DOC2B: variants seen among roughly 807,000 people sequenced by gnomAD.
DOC2B encodes double C2 domain beta.
Under a neutral mutation model 28.9 loss-of-function variants are expected in DOC2B, and 21 were observed. The observed-to-expected ratio is 0.73, with a 90% CI of 0.52 to 1.05. DOC2B has a LOEUF of 1.05. Among genes scored for constraint, DOC2B ranks in the 50% least tolerant of loss-of-function variants. The pLI, the probability that DOC2B is intolerant of heterozygous loss-of-function variation, is 0.00. For synonymous variants in DOC2B, 194 were observed against 178.1 expected (o/e 1.09, Z -0.71); for missense variants, 384 against 421.1 (o/e 0.91, Z 0.77).
intron 6 of DOC2B, among the ~76,000 whole-genome samples, chr17:153,440 C>T (rs891757141): frequency 2.6e-5 from 4 of 152,234 alleles, no homozygotes; most frequent in African/African-American, 7.2e-5. Context: ...CAGTGGCTCA[C>T]GCCTGTAATC....
At chr17:155,403 C>T (rs1342744861) in intron 6 of DOC2B, among the ~76,000 whole-genome samples, 3 of 152,166 alleles carry the variant, frequency 2.0e-5, no homozygotes, top group African/African-American at 7.2e-5. Context: ...GTCCCTGAGG[C>T]CTTAGTCACC....
At chr17:178,640 T>C (rs1253310692) in intron 1 of DOC2B, among the ~76,000 whole-genome samples, 1 of 152,238 alleles carries the variant, frequency 6.6e-6, no homozygotes, top group African/African-American at 2.4e-5. Flanking sequence ...CTTCGAGATC[T>C]GCTGGGAACA....
intron 2 of DOC2B, 21 bp from the exon 3 acceptor site, chr17:164,225 G>A (rs767324803): frequency 3.7e-5 from 56 of 1,522,704 alleles, no homozygotes; most frequent in Non-Finnish European, 4.5e-5. Context: ...AAGAGCAAAC[G>A]GTGTGAACTG....
chr17:158,833 T>C lies in DOC2B; in HGVS notation c.766-2456A>G, dbSNP rs529404409. Among the ~76,000 whole-genome samples, 15 of 151,902 alleles carry C rather than the reference T, an allele frequency of 9.9e-5. No homozygotes were observed. The East Asian group carries it at 1.8e-3, about 18-fold the overall frequency. On this transcript the variant is annotated intron_variant, in intron 5 of 8. Coordinates refer to ENST00000613549, the MANE Select transcript of DOC2B (RefSeq NM_003585.5). The stretch of plus-strand genomic sequence containing the variant: ...GCCAAGGCGGGCAGATCACCTGAGG[T>C]CAGCAGCTCAGGACCAGCCTGGCCA...
intron 5 of DOC2B, among the ~76,000 whole-genome samples, chr17:156,997 C>A (rs777150861): frequency 7.9e-5 from 12 of 152,246 alleles, no homozygotes; most frequent in Non-Finnish European, 1.5e-4. Flanking sequence ...TGGAACGCAG[C>A]CTTGCCAGCT....
At chr17:160,060 C>T (rs1464484138) in intron 5 of DOC2B, among the ~76,000 whole-genome samples, 1 of 150,608 alleles carries the variant, frequency 6.6e-6, no homozygotes, top group Non-Finnish European at 1.5e-5. Flanking sequence ...TCTCGGCTCA[C>T]TGCAACCTCC....
chr17:173,018 C>T (rs780282209), intron 1 of DOC2B, among the ~76,000 whole-genome samples: 9 of 152,160 alleles, frequency 5.9e-5, no homozygotes, highest in South Asian at 2.1e-4. Flanking sequence ...GCGGAGGAGA[C>T]GAGGCTTTGA....
chr17:177,013 A>G (rs2040377321), intron 1 of DOC2B, among the ~76,000 whole-genome samples: 1 of 148,790 alleles, frequency 6.7e-6, no homozygotes, highest in African/African-American at 2.5e-5. Context: ...CCTTGGGAAT[A>G]GGAAATCTGC....
chr17:177,028 ATTT>A (rs5818738), intron 1 of DOC2B, among the ~76,000 whole-genome samples: 26 of 131,104 alleles, frequency 2.0e-4, no homozygotes, highest in African/African-American at 2.6e-4. Context: ...ATCTGCCCTG[ATTT>A]TTTTTTTTTT....
At chr17:166,288 G>A (rs1057141403) in intron 2 of DOC2B, among the ~76,000 whole-genome samples, 1 of 152,246 alleles carries the variant, frequency 6.6e-6, no homozygotes, top group African/African-American at 2.4e-5. Context: ...CCGGGGTTCC[G>A]CCAGTGCCTC....
chr17:180,296 G>C (rs894505341), intron 1 of DOC2B, among the ~76,000 whole-genome samples: 1 of 152,166 alleles, frequency 6.6e-6, no homozygotes, highest in Non-Finnish European at 1.5e-5. Flanking sequence ...CCTCGGGGAC[G>C]GGAAAAGGCG....
At chr17:170,481 G>T (rs1188759227) in intron 2 of DOC2B, among the ~76,000 whole-genome samples, 2 of 152,150 alleles carry the variant, frequency 1.3e-5, no homozygotes, top group African/African-American at 4.8e-5. Context: ...CTGCCAGGCT[G>T]GGAGGAGGGG....
At chr17:148,397 G>A (rs929475434) in intron 7 of DOC2B, 128 bp from the exon 8 acceptor site, 18 of 396,934 alleles carry the variant, frequency 4.5e-5, no homozygotes, top group African/African-American at 3.5e-4. Flanking sequence ...GATGATGGGT[G>A]GATGCTCACA....
rs537916147 is a variant in DOC2B at position 179,035 on chromosome 17, C to G, written c.373+2072G>C. ...ATGTTTGTCAGCCTCCCATAGGATCCAAGCCTAGGGTGGGGCCCCCCTCGA... is the reference window on the plus strand; with the variant it reads ...ATGTTTGTCAGCCTCCCATAGGATCGAAGCCTAGGGTGGGGCCCCCCTCGA... On this transcript the variant is annotated intron_variant, in intron 1 of 8. Transcript: ENST00000613549. Among the ~76,000 whole-genome samples, 438 of 152,336 alleles carry G rather than the reference C, an allele frequency of 2.9e-3. 3 individuals are homozygous for G. The highest frequency in any genetic ancestry group is 9.5e-3 in the African/African-American group (397 of 41,576).
intron 1 of DOC2B, 25 bp from the exon 2 acceptor site, chr17:172,641 C>T: frequency 2.0e-6 from 3 of 1,534,632 alleles, no homozygotes; most frequent in Middle Eastern, 1.8e-4. Context: ...GGGCACAGGT[C>T]CCACCCTGGC....
intron 1 of DOC2B, among the ~76,000 whole-genome samples, chr17:178,907 G>C (rs1278668600): frequency 6.6e-6 from 1 of 152,228 alleles, no homozygotes; most frequent in Non-Finnish European, 1.5e-5. Context: ...TCACAGCCCA[G>C]AGGGGGGCAC....
At chr17:161,638 C>A in intron 4 of DOC2B, 97 bp from the exon 5 acceptor site, 1 of 1,516,438 alleles carries the variant, frequency 6.6e-7, no homozygotes, top group Non-Finnish European at 8.9e-7. Flanking sequence ...CTTCTCCTGC[C>A]CCAAGCCCTG....
chr17:169,378 A>C (rs145416908), intron 2 of DOC2B, among the ~76,000 whole-genome samples: 2,105 of 151,508 alleles, frequency 0.014, 55 homozygotes, highest in African/African-American at 0.048. Context: ...GCTGTTGTTT[A>C]ATGGGTCCAG....
chr17:161,427 C>T lies in DOC2B; in HGVS notation c.753G>A (p.Glu251=). The T allele has an allele frequency of 6.4e-7, 1 of 1,551,692 alleles. No individual in the cohort carries two copies. Residue 251 remains glutamate (E), a synonymous_variant, in exon 5 of 9, where the codon GAG becomes GAA. Coordinates refer to ENST00000613549, the MANE Select transcript of DOC2B (RefSeq NM_003585.5). ...NHTKTFSICL[E]KQLPVDKTED... is the part of the protein sequence containing the mutation. The stretch of plus-strand genomic sequence containing the variant: ...TCAATCCTCTCACCGGCAGCTGCTT[C>T]TCCAGGCAGATGCTGAAGGTCTTGG...
Sources: gnomAD v4.1 joint callset for allele counts (sites outside exome capture counted in the v4.1 genomes callset) on GRCh38, gnomAD v4.1.1 for gene constraint, MANE v1.5 for transcripts, NCBI Gene and HGNC (gene_info 2026-07-23, HGNC 2026-07-21) for gene names.